Variants in XKR5 observed in about 807,000 individuals in gnomAD.
XKR5 encodes XK-related protein 5.
Under a neutral mutation model 40.8 loss-of-function variants are expected in XKR5, and 46 were observed. The observed-to-expected ratio is 1.13, with a 90% CI of 0.89 to 1.44. XKR5 has a LOEUF of 1.44. Among genes scored for constraint, XKR5 ranks in the 40% most tolerant of loss-of-function variants. The probability of loss-of-function intolerance (pLI) is 0.00; values close to 1 mark genes in which losing one functional copy is unlikely to be tolerated. For missense variants in XKR5, 1,169 were observed against 844.7 expected (o/e 1.38, Z -4.76); for synonymous variants, 466 against 356.1 (o/e 1.31, Z -3.48).
At chr8:6,826,036 G>T (rs1308102209) in intron 2 of XKR5, among the ~76,000 whole-genome samples, 1 of 152,176 alleles carries the variant, frequency 6.6e-6, no homozygotes, top group African/African-American at 2.4e-5. Flanking sequence ...AATATGTACT[G>T]TCTGGGGTAT....
chr8:6,831,703 C>G (rs1406387964), intron 2 of XKR5, among the ~76,000 whole-genome samples: 1 of 151,990 alleles, frequency 6.6e-6, no homozygotes, highest in Non-Finnish European at 1.5e-5. Context: ...GCTCTGATCC[C>G]TGAATTTTTC....
chr8:6,831,584 C>T (rs1445429944), intron 2 of XKR5, among the ~76,000 whole-genome samples: 1 of 152,174 alleles, frequency 6.6e-6, no homozygotes, highest in Non-Finnish European at 1.5e-5. Flanking sequence ...GAATAGCTTG[C>T]AGGCATAAAC....
chr8:6,815,086 G>A (rs193226290), intron 6 of XKR5, among the ~76,000 whole-genome samples: 1 of 152,338 alleles, frequency 6.6e-6, no homozygotes, highest in Admixed American at 6.5e-5. Flanking sequence ...CGTGAGAGGT[G>A]CAGGTGCTGG....
In XKR5 at chr8:6,835,481, G is replaced by C. The variant is rs1431858671; in HGVS notation, c.13C>G (p.Leu5Val). 5.3e-6 allele frequency: 8 copies of C among 1,502,592 alleles called. No homozygotes were observed. Among genetic ancestry groups the C allele is most frequent in the Middle Eastern group, 2.2e-4 (1 of 4,536 alleles). 93.1% of individuals were successfully genotyped at this position (1,502,592 alleles called of 1,614,324 possible). MHAR[L>V]LGLSALLQAA... ...TGCAGCAGGGCCGAGAGCCCCAGGA[G>C]CCTCGCGTGCATCTTCCGTGCCGAC... is the stretch of plus-strand genomic sequence containing the variant. The change falls in exon 1 of 7, where the codon CTC becomes GTC. Residue 5 changes from leucine (L) to valine (V), a missense_variant. Coordinates refer to ENST00000618742, the MANE Select transcript of XKR5 (RefSeq NM_207411.5).
chr8:6,812,822 C>A (rs1298715342), intron 6 of XKR5, among the ~76,000 whole-genome samples: 4 of 152,186 alleles, frequency 2.6e-5, no homozygotes, highest in African/African-American at 7.2e-5. Flanking sequence ...CAAGTAAGAC[C>A]TAAACAGAGG....
intron 4 of XKR5, among the ~76,000 whole-genome samples, chr8:6,823,059 T>A (rs1298361331): frequency 6.6e-6 from 1 of 152,128 alleles, no homozygotes; most frequent in Non-Finnish European, 1.5e-5. Flanking sequence ...TGCTCCAGAT[T>A]TAGCTGGGAG....
At chr8:6,814,164 A>G (rs187214525) in intron 6 of XKR5, among the ~76,000 whole-genome samples, 221 of 152,310 alleles carry the variant, frequency 1.5e-3, no homozygotes, top group Non-Finnish European at 2.5e-3. Flanking sequence ...TCAGTTTCCC[A>G]TAGGCCATTT....
At position 6,816,910 on chromosome 8, in the gene XKR5, A is replaced by C. The variant is rs151321071; in HGVS notation, c.808-992T>G. 1.9e-4 allele frequency among the ~76,000 whole-genome samples: 29 copies of C among 152,242 alleles called. 1 individual carries two copies. In the East Asian group the frequency reaches 5.6e-3, roughly 29 times the overall value. On this transcript the variant is annotated intron_variant, in intron 5 of 6. Coordinates refer to ENST00000618742, the MANE Select transcript of XKR5 (RefSeq NM_207411.5). ...AAGGAGAGAAATAAAAAAAATTATG[A>C]GGAGCTGCTTCGTAATCCTATGAAC...
At position 6,815,901 on chromosome 8, in the gene XKR5, GTTCTC is replaced by G; in HGVS notation, c.820_824del (p.Glu274HisfsTer65). 6.2e-7 allele frequency: 1 copy of G among 1,601,604 alleles called. No homozygotes were observed. Among genetic ancestry groups the G allele is most frequent in the Admixed American group, 1.7e-5 (1 of 58,366 alleles). ...CGGTGGCCAACAGCAACAGGATGAT[GTTCTC>G]CAACAGCATGACCTGCGGGACCCAG... is the stretch of plus-strand genomic sequence containing the variant. On this transcript the variant is annotated frameshift_variant, in exon 6 of 7. Coordinates refer to ENST00000618742, the MANE Select transcript of XKR5 (RefSeq NM_207411.5). LOFTEE classifies it high-confidence loss of function.
At chr8:6,815,578 C>T (rs2117083564) in intron 6 of XKR5, among the ~76,000 whole-genome samples, 1 of 152,174 alleles carries the variant, frequency 6.6e-6, no homozygotes, top group South Asian at 2.1e-4. Context: ...AGAGGGATAG[C>T]CCCAGCTTTG....
chr8:6,815,329 G>A (rs1803907281), intron 6 of XKR5, among the ~76,000 whole-genome samples: 1 of 152,182 alleles, frequency 6.6e-6, no homozygotes, highest in African/African-American at 2.4e-5. Flanking sequence ...CTGGAGCTGG[G>A]CTTGAATCTC....
rs1803724017 is a variant in XKR5 at position 6,811,947 on chromosome 8, A to G, written c.1312T>C (p.Leu438=). 1.3e-6 allele frequency: 2 copies of G among 1,537,222 alleles called. No individual in the cohort carries two copies. Among genetic ancestry groups the G allele is most frequent in the African/African-American group, 2.7e-5 (2 of 73,126 alleles). The stretch of plus-strand genomic sequence containing the variant: ...CTCTGCAGGTAGTCCTGTTGACTCA[A>G]CCCCCATGCAGGTGGACAATAGGCA... ...SPAYCPPAWG[L]SQQDYLQRKA... Residue 438 remains leucine (L), a synonymous_variant, in exon 7 of 7, where the codon TTG becomes CTG. Transcript: ENST00000618742.
chr8:6,823,609 C>T lies in XKR5; in HGVS notation c.549G>A (p.Gln183=), dbSNP rs566852571. Residue 183 remains glutamine, a synonymous_variant, in exon 4 of 7, where the codon CAG becomes CAA. Coordinates refer to ENST00000618742, the MANE Select transcript of XKR5 (RefSeq NM_207411.5). ...TTCCCAACATGCCCATCCTCCAGAG[C>T]TGCTGGCAGAAGAGGGCGGCCCATG... ...AMPWAALFCQ[Q]LWRMGMLGTR... 4 of 1,596,078 alleles carry T rather than the reference C, an allele frequency of 2.5e-6. No homozygotes were observed. The East Asian group carries it at 6.8e-5, about 27-fold the overall frequency.
chr8:6,812,018 GT>G lies in XKR5; in HGVS notation c.1240del (p.Thr414GlnfsTer25). Reference protein sequence around the residue: ...HWLWVKLALKTGNVSKINAAF... With the variant: ...HWLWVKLALKXGNVSKINAAF... Reference sequence around the variant, plus strand: ...GGCATTGATCTTAGACACATTTCCTGTTTTTAGGGCAAGTTTCACCCACAGC... The same window carrying G: ...GGCATTGATCTTAGACACATTTCCTGTTTTAGGGCAAGTTTCACCCACAGC... On this transcript the variant is annotated frameshift_variant, in exon 7 of 7. Coordinates refer to ENST00000618742, the MANE Select transcript of XKR5 (RefSeq NM_207411.5). LOFTEE classifies it low-confidence loss of function (END_TRUNC). The G allele has an allele frequency of 5.2e-6, 8 of 1,537,518 alleles. No homozygotes were observed. The highest frequency in any genetic ancestry group is 7.0e-6 in the Non-Finnish European group (8 of 1,146,924).
At chr8:6,823,752 G>C in intron 3 of XKR5, 22 bp from the exon 4 acceptor site, 1 of 1,540,622 alleles carries the variant, frequency 6.5e-7, no homozygotes, top group Admixed American at 1.9e-5. Context: ...GCAGAAAGAT[G>C]TGGTATGCTC....
At chr8:6,815,151 T>C (rs1478623947) in intron 6 of XKR5, among the ~76,000 whole-genome samples, 1 of 152,170 alleles carries the variant, frequency 6.6e-6, no homozygotes, top group Non-Finnish European at 1.5e-5. Flanking sequence ...CCTGCTGTGC[T>C]GGGAGAGGAG....
At chr8:6,825,087 G>T in intron 3 of XKR5, 78 bp downstream of exon 3, 2 of 1,550,180 alleles carry the variant, frequency 1.3e-6, no homozygotes, top group Non-Finnish European at 1.8e-6. Flanking sequence ...TCGAAGGGAG[G>T]GTTTTGCTAA....
chr8:6,821,940 C>T lies in XKR5; in HGVS notation c.736G>A (p.Ala246Thr), dbSNP rs1804254242. The change falls in exon 5 of 7, where the codon GCC becomes ACC. Residue 246 changes from alanine to threonine, a missense_variant. Coordinates refer to ENST00000618742, the MANE Select transcript of XKR5 (RefSeq NM_207411.5). ...CTGAGGTAGCAGAGGATGTACACGGCCCCCACGAGCAGGTTGAACAGCCTC... is the reference window on the plus strand; with the variant it reads ...CTGAGGTAGCAGAGGATGTACACGGTCCCCACGAGCAGGTTGAACAGCCTC... Reference protein sequence around the residue: ...HWRLFNLLVGAVYILCYLSFW... With the variant: ...HWRLFNLLVGTVYILCYLSFW... 3 of 1,612,860 alleles carry T rather than the reference C, an allele frequency of 1.9e-6. No individual in the cohort carries two copies. The highest frequency in any genetic ancestry group is 2.5e-6 in the Non-Finnish European group (3 of 1,179,416).
Position 6,822,038 on chromosome 8 carries a change from C to T in XKR5, c.638G>A (p.Gly213Asp). Residue 213 changes from glycine (G) to aspartate (D), a missense_variant and splice_region_variant, in exon 5 of 7, where the codon GGT becomes GAT. Gly to Asp is a moderately conservative substitution (Grantham distance 94, BLOSUM62 -1). Transcript: ENST00000618742. The part of the protein sequence containing the change: ...AYHFWVFVVA[G>D]AHWLVMTFWL... ...GAATGTCATCACCAGCCAGTGGGCA[C>T]CTGCAGAGAAGCCGGGTGCAGACGT... 6.2e-7 allele frequency: 1 copy of T among 1,603,048 alleles called. No homozygotes were observed. Among genetic ancestry groups the T allele is most frequent in the East Asian group, 2.2e-5 (1 of 44,504 alleles).
Sources: gnomAD v4.1 joint callset for allele counts (sites outside exome capture counted in the v4.1 genomes callset) on GRCh38, gnomAD v4.1.1 for gene constraint, MANE v1.5 for transcripts, NCBI Gene and HGNC (gene_info 2026-07-23, HGNC 2026-07-21) for gene names.